LRRC4C: variants seen among roughly 807,000 people sequenced by gnomAD.
LRRC4C encodes the protein leucine-rich repeat-containing protein 4C.
A neutral mutation model predicts 33.6 loss-of-function variants in LRRC4C; 5 were observed. That is an observed-to-expected ratio of 0.15 (90% CI 0.08 to 0.31). The LOEUF (loss-of-function observed/expected upper bound fraction) is 0.31, where lower values mean the gene tolerates loss of function less well. Ranked by LOEUF, LRRC4C falls within the 10% of genes least tolerant of loss-of-function variation. The pLI, the probability that LRRC4C is intolerant of heterozygous loss-of-function variation, is 1.00. For missense variants in LRRC4C, 560 were observed against 796.7 expected, an observed-to-expected ratio of 0.70 and a Z score of 3.58; for synonymous variants, 329 against 302.0, an observed-to-expected ratio of 1.09 and a Z score of -0.93.
chr11:40,729,301 C>CA (rs1233388531), intron 2 of LRRC4C, among the ~76,000 whole-genome samples: 1 of 152,018 alleles, frequency 6.6e-6, no homozygotes, highest in African/African-American at 2.4e-5. Context: ...GTCATTAGGT[C>CA]AAAATAAAAG....
At chr11:41,040,006 C>T (rs894508708) in intron 1 of LRRC4C, among the ~76,000 whole-genome samples, 6 of 151,650 alleles carry the variant, frequency 4.0e-5, no homozygotes, top group Non-Finnish European at 8.8e-5. Flanking sequence ...GGCGTGGTGG[C>T]GGACCCCTGT....
chr11:41,155,295 G>C (rs1944177693), intron 1 of LRRC4C, among the ~76,000 whole-genome samples: 1 of 152,110 alleles, frequency 6.6e-6, no homozygotes, highest in Non-Finnish European at 1.5e-5. Flanking sequence ...GGAGTTGCAA[G>C]CTTGCTGGAA....
intron 3 of LRRC4C, among the ~76,000 whole-genome samples, chr11:40,340,439 T>C (rs1278557461): frequency 2.0e-5 from 3 of 152,192 alleles, no homozygotes; most frequent in Non-Finnish European, 1.5e-5. Flanking sequence ...TGAAAATTCC[T>C]CTTCTCTAAA....
chr11:40,706,471 T>C (rs769099650), intron 2 of LRRC4C, among the ~76,000 whole-genome samples: 4 of 152,238 alleles, frequency 2.6e-5, no homozygotes, highest in Admixed American at 6.5e-5. Context: ...TAGGGAATCC[T>C]TTCCCCATTG....
At chr11:40,521,505 T>C (rs1204139138) in intron 3 of LRRC4C, among the ~76,000 whole-genome samples, 2 of 152,212 alleles carry the variant, frequency 1.3e-5, no homozygotes, top group Admixed American at 6.5e-5. Context: ...ATTGAATTCA[T>C]ATTACGTGAC....
In LRRC4C at chr11:40,239,426, G is replaced by T. The variant is rs971980841; in HGVS notation, c.-96+2093C>A. Among the ~76,000 whole-genome samples the T allele has an allele frequency of 3.3e-5, 5 of 152,110 alleles. No homozygotes were observed. In the East Asian group the frequency reaches 5.8e-4, roughly 18 times the overall value. The stretch of plus-strand genomic sequence containing the variant: ...ATTGAACTTAAAATATGAAAAGAGG[G>T]GGAAATCTCACATGGCTTCTTCCTG... On this transcript the variant is annotated intron_variant, in intron 5 of 6. Transcript: ENST00000528697.
chr11:40,716,873 G>A (rs1458518695), intron 2 of LRRC4C, among the ~76,000 whole-genome samples: 1 of 152,134 alleles, frequency 6.6e-6, no homozygotes, highest in Non-Finnish European at 1.5e-5. Flanking sequence ...GTGACCATTA[G>A]AATAAGAATG....
intron 4 of LRRC4C, among the ~76,000 whole-genome samples, chr11:40,244,620 G>A (rs756177275): frequency 3.9e-5 from 6 of 151,940 alleles, no homozygotes; most frequent in South Asian, 2.1e-4. Flanking sequence ...GTCCCTTTAC[G>A]TGGTAGGGTA....
intron 5 of LRRC4C, among the ~76,000 whole-genome samples, chr11:40,141,895 A>T (rs1363588931): frequency 7.0e-6 from 1 of 143,698 alleles, no homozygotes; most frequent in Non-Finnish European, 1.5e-5. Flanking sequence ...GCAATATATC[A>T]CTAATGAATG....
At chr11:41,098,428 A>T (rs943148521) in intron 1 of LRRC4C, among the ~76,000 whole-genome samples, 1 of 152,142 alleles carries the variant, frequency 6.6e-6, no homozygotes, top group Non-Finnish European at 1.5e-5. Flanking sequence ...CCCCAAAATA[A>T]CAGGAACCAT....
chr11:41,115,855 A>G (rs74809456), intron 1 of LRRC4C, among the ~76,000 whole-genome samples: 1,719 of 152,084 alleles, frequency 0.011, 38 homozygotes, highest in African/African-American at 0.039. Context: ...CATTTTATCC[A>G]AGGCATTACT....
intron 3 of LRRC4C, among the ~76,000 whole-genome samples, chr11:40,572,576 T>C (rs944508289): frequency 1.8e-4 from 27 of 152,190 alleles, no homozygotes; most frequent in African/African-American, 6.5e-4. Context: ...CTAGTCATAA[T>C]ACAGGAGCAC....
chr11:40,719,448 G>A (rs1030616090), intron 2 of LRRC4C, among the ~76,000 whole-genome samples: 4 of 152,110 alleles, frequency 2.6e-5, no homozygotes, highest in Admixed American at 6.5e-5. Flanking sequence ...TTTTACTGCC[G>A]TTAGATCTCG....
chr11:41,186,023 G>A (rs1413394422), intron 1 of LRRC4C, among the ~76,000 whole-genome samples: 1 of 151,936 alleles, frequency 6.6e-6, no homozygotes, highest in African/African-American at 2.4e-5. Flanking sequence ...GGTAAATATA[G>A]TAAATAAACA....
chr11:41,432,370 CAGTT>C (rs1447403738), intron 1 of LRRC4C, among the ~76,000 whole-genome samples: 1 of 152,032 alleles, frequency 6.6e-6, no homozygotes, highest in Non-Finnish European at 1.5e-5. Context: ...GAGTGTGAAG[CAGTT>C]AGTCAAAGTC....
chr11:41,319,375 A>G (rs933449679), intron 1 of LRRC4C, among the ~76,000 whole-genome samples: 6 of 152,188 alleles, frequency 3.9e-5, no homozygotes, highest in Non-Finnish European at 1.5e-5. Flanking sequence ...CATCTGTTAC[A>G]TGGAGCATTC....
At chr11:41,384,719 AG>A (rs1953289660) in intron 1 of LRRC4C, among the ~76,000 whole-genome samples, 1 of 150,936 alleles carries the variant, frequency 6.6e-6, no homozygotes. Flanking sequence ...TTGATTCAAA[AG>A]CCCCTAGCCT....
chr11:40,822,270 C>T (rs1340983073), intron 2 of LRRC4C, among the ~76,000 whole-genome samples: 1 of 150,922 alleles, frequency 6.6e-6, no homozygotes, highest in Non-Finnish European at 1.5e-5. Flanking sequence ...CTGTGCCTGA[C>T]ATATTTCACT....
intron 1 of LRRC4C, among the ~76,000 whole-genome samples, chr11:41,423,613 G>T (rs1954943404): frequency 6.6e-6 from 1 of 152,038 alleles, no homozygotes; most frequent in South Asian, 2.1e-4. Flanking sequence ...GAAAGAAATG[G>T]AAGCAGTAAC....
Sources: allele counts gnomAD v4.1 joint callset (sites outside exome capture counted in the v4.1 genomes callset), GRCh38; gene constraint gnomAD v4.1.1; transcripts MANE v1.5; gene names NCBI Gene and HGNC (gene_info 2026-07-23, HGNC 2026-07-21).